The following ZNF804A variants were observed in gnomAD, a reference collection of about 807,000 sequenced individuals.
ZNF804A encodes zinc finger protein 804A.
A neutral mutation model predicts 16.5 loss-of-function variants in ZNF804A; 2 were observed. The ratio of observed to expected loss-of-function variants is 0.12; its 90% CI spans 0.05 to 0.38. The LOEUF is 0.38. Ranked by LOEUF, ZNF804A falls within the 10% of genes least tolerant of loss-of-function variation. ZNF804A has a pLI of 0.99. For missense variants in ZNF804A, 1,473 were observed against 1,390.7 expected (o/e 1.06, Z -0.94); for synonymous variants, 534 against 489.6 (o/e 1.09, Z -1.20).
At chr2:184,632,657 C>T (rs1417839899) in intron 1 of ZNF804A, among the ~76,000 whole-genome samples, 2 of 152,316 alleles carry the variant, frequency 1.3e-5, no homozygotes, top group South Asian at 2.1e-4. Context: ...AGATTACAGG[C>T]GTAAGCCACC....
chr2:184,765,398 C>T (rs554348566), intron 1 of ZNF804A, among the ~76,000 whole-genome samples: 234 of 152,248 alleles, frequency 1.5e-3, no homozygotes, highest in Middle Eastern at 6.8e-3. Context: ...CACAGGCAGA[C>T]AGACCGGCAC....
intron 2 of ZNF804A, among the ~76,000 whole-genome samples, chr2:184,867,699 CATAAGT>C (rs1695895909): frequency 6.6e-6 from 1 of 152,084 alleles, no homozygotes; most frequent in Non-Finnish European, 1.5e-5. Flanking sequence ...AAAATACATA[CATAAGT>C]ATATCATTGC....
intron 1 of ZNF804A, among the ~76,000 whole-genome samples, chr2:184,601,065 A>G (rs1559104590): frequency 6.6e-6 from 1 of 152,254 alleles, no homozygotes; most frequent in East Asian, 1.9e-4. Context: ...CTTCCAGATG[A>G]TTTTAAAACG....
chr2:184,931,547 C>T (rs1383933427), intron 2 of ZNF804A, among the ~76,000 whole-genome samples: 2 of 152,192 alleles, frequency 1.3e-5, no homozygotes, highest in African/African-American at 4.8e-5. Flanking sequence ...GCAGTAAGTC[C>T]TGAGACTGCA....
chr2:184,858,168 A>AAT (rs902441237), intron 1 of ZNF804A, among the ~76,000 whole-genome samples: 15 of 151,930 alleles, frequency 9.9e-5, no homozygotes, highest in African/African-American at 3.6e-4. Context: ...TAAAACTTAA[A>AAT]ATATATATAT....
chr2:184,702,404 C>A (rs543129824), intron 1 of ZNF804A, among the ~76,000 whole-genome samples: 1 of 152,186 alleles, frequency 6.6e-6, no homozygotes, highest in Non-Finnish European at 1.5e-5. Context: ...CTTTGGCTTA[C>A]GATTCCTCAA....
At chr2:184,687,282 CT>C (rs1365190108) in intron 1 of ZNF804A, among the ~76,000 whole-genome samples, 3 of 152,232 alleles carry the variant, frequency 2.0e-5, no homozygotes, top group African/African-American at 7.2e-5. Flanking sequence ...ACCTGGAGTC[CT>C]TTAGTCATTG....
intron 2 of ZNF804A, among the ~76,000 whole-genome samples, chr2:184,932,541 C>T (rs1198045857): frequency 1.3e-5 from 2 of 152,120 alleles, no homozygotes; most frequent in East Asian, 3.9e-4. Flanking sequence ...AATTACCTCC[C>T]ACTGGGTACT....
At chr2:184,637,711 AT>A (rs1168218522) in intron 1 of ZNF804A, among the ~76,000 whole-genome samples, 2 of 140,510 alleles carry the variant, frequency 1.4e-5, no homozygotes, top group African/African-American at 2.6e-5. Context: ...TTTTATGATT[AT>A]TGCACTTAAT....
chr2:184,681,200 C>G (rs905824948), intron 1 of ZNF804A, among the ~76,000 whole-genome samples: 1 of 152,172 alleles, frequency 6.6e-6, no homozygotes, highest in African/African-American at 2.4e-5. Flanking sequence ...CAGGCAAAGT[C>G]ACCACTGGCC....
In ZNF804A at chr2:184,939,234, G is replaced by C. The variant is rs1685855360; in HGVS notation, c.*208G>C. On this transcript the variant is annotated 3_prime_UTR_variant, in exon 4 of 4. Transcript: ENST00000302277. ...TATAATATTATTAAAGCACTGAATA[G>C]TTTGAAAATCAATACAATATATGCT... 1 of 543,040 alleles carries C rather than the reference G, an allele frequency of 1.8e-6. No individual in the cohort carries two copies. Among genetic ancestry groups the C allele is most frequent in the African/African-American group, 1.9e-5 (1 of 52,966 alleles). The allele number at this position is 543,040 out of a possible 1,614,324, so 33.6% of individuals were successfully genotyped here. A position where few individuals can be genotyped will look rare whatever the true frequency, so the allele number is the denominator to read the frequency against.
Position 184,936,208 on chromosome 2 carries a change from C to T in ZNF804A, c.812C>T (p.Ser271Phe), listed in dbSNP as rs751618831. The T allele has an allele frequency of 1.2e-6, 2 of 1,614,006 alleles. No individual in the cohort carries two copies. Among genetic ancestry groups the T allele is most frequent in the South Asian group, 2.2e-5 (2 of 91,078 alleles). ...QSSPTDVLLSSEEKTNSFHPP... is the reference protein window; with the variant it reads ...QSSPTDVLLSFEEKTNSFHPP... ...TCACCAACAGATGTGCTTTTGAGTT[C>T]TGAGGAGAAAACTAACTCTTTTCAT... The change falls in exon 4 of 4, where the codon TCT becomes TTT. Residue 271 changes from serine (S) to phenylalanine (F), a missense_variant. Transcript: ENST00000302277.
intron 1 of ZNF804A, among the ~76,000 whole-genome samples, chr2:184,754,491 A>T (rs1294621860): frequency 6.6e-6 from 1 of 151,950 alleles, no homozygotes; most frequent in Non-Finnish European, 1.5e-5. Flanking sequence ...TCATGAGCAC[A>T]TATTCATAGG....
At chr2:184,678,620 A>G (rs939139849) in intron 1 of ZNF804A, among the ~76,000 whole-genome samples, 2 of 152,152 alleles carry the variant, frequency 1.3e-5, no homozygotes, top group African/African-American at 4.8e-5. Flanking sequence ...TGCCGGAGAA[A>G]AGCATTTGCA....
At chr2:184,699,871 G>A (rs1024552008) in intron 1 of ZNF804A, among the ~76,000 whole-genome samples, 1 of 151,992 alleles carries the variant, frequency 6.6e-6, no homozygotes, top group African/African-American at 2.4e-5. Flanking sequence ...AGAAACGGTA[G>A]GAAATGCCTA....
intron 1 of ZNF804A, among the ~76,000 whole-genome samples, chr2:184,851,167 A>T (rs1695596122): frequency 6.6e-6 from 1 of 151,780 alleles, no homozygotes; most frequent in African/African-American, 2.4e-5. Context: ...GCATTACCTC[A>T]TATACTTTTA....
intron 2 of ZNF804A, among the ~76,000 whole-genome samples, chr2:184,881,783 T>C (rs1684813367): frequency 6.6e-6 from 1 of 151,668 alleles, no homozygotes; most frequent in South Asian, 2.1e-4. Flanking sequence ...TTACAGGAGG[T>C]CCTTAAGGGA....
chr2:184,684,824 C>A (rs1023507259), intron 1 of ZNF804A, among the ~76,000 whole-genome samples: 11 of 152,100 alleles, frequency 7.2e-5, no homozygotes, highest in African/African-American at 2.7e-4. Flanking sequence ...TTTTCTGTTC[C>A]TGAATTAATT....
intron 1 of ZNF804A, among the ~76,000 whole-genome samples, chr2:184,774,727 T>C (rs1365322131): frequency 1.3e-5 from 2 of 151,820 alleles, no homozygotes; most frequent in African/African-American, 4.8e-5. Flanking sequence ...AAGATATCTC[T>C]GTGATACATT....
Sources: gnomAD v4.1 joint callset for allele counts (sites outside exome capture counted in the v4.1 genomes callset) on GRCh38, gnomAD v4.1.1 for gene constraint, MANE v1.5 for transcripts, NCBI Gene and HGNC (gene_info 2026-07-23, HGNC 2026-07-21) for gene names.